The following DPF3 variants were observed in gnomAD, a reference collection of about 807,000 sequenced individuals.
The protein encoded by DPF3 is double PHD fingers 3.
A neutral mutation model predicts 56.8 loss-of-function variants in DPF3; 18 were observed. The ratio of observed to expected loss-of-function variants is 0.32; its 90% CI spans 0.22 to 0.47. DPF3 has a LOEUF of 0.47. Ranked by LOEUF, DPF3 falls within the 20% of genes least tolerant of loss-of-function variation. DPF3 has a pLI of 1.00. For synonymous variants in DPF3, 188 were observed against 180.2 expected (o/e 1.04, Z -0.35); for missense variants, 403 against 488.8 (o/e 0.82, Z 1.65).
chr14:72,849,332 C>T (rs902920876), intron 1 of DPF3, among the ~76,000 whole-genome samples: 1 of 152,214 alleles, frequency 6.6e-6, no homozygotes, highest in African/African-American at 2.4e-5. Context: ...CACCAGGAGA[C>T]ATGACGGCAG....
intron 8 of DPF3, among the ~76,000 whole-genome samples, chr14:72,630,997 AT>A (rs1361600448): frequency 2.6e-5 from 4 of 152,294 alleles, no homozygotes; most frequent in African/African-American, 9.6e-5. Context: ...AGGAGCCCCC[AT>A]TTCCTCCCTT....
At chr14:72,866,597 C>T (rs1424937188) in intron 1 of DPF3, among the ~76,000 whole-genome samples, 1 of 150,652 alleles carries the variant, frequency 6.6e-6, no homozygotes, top group Admixed American at 6.6e-5. Context: ...TGGCTCACGC[C>T]TATAATCCCA....
At chr14:72,849,972 AG>A (rs1220302654) in intron 1 of DPF3, among the ~76,000 whole-genome samples, 1 of 152,106 alleles carries the variant, frequency 6.6e-6, no homozygotes, top group Non-Finnish European at 1.5e-5. Flanking sequence ...ATACAAAATT[AG>A]CCAGGCATGG....
chr14:72,657,277 T>C lies in DPF3; in HGVS notation c.871+16963A>G, dbSNP rs888472062. ...TCTCCTATCATTTGTCTCATACAGA[T>C]GAAACTCTACCATCTATGTTCACTT... On this transcript the variant is annotated intron_variant, in intron 8 of 10. Coordinates refer to ENST00000556509, the MANE Select transcript of DPF3 (RefSeq NM_001280542.3). Among the ~76,000 whole-genome samples, 6 of 152,338 alleles carry C rather than the reference T, an allele frequency of 3.9e-5. No individual in the cohort carries two copies. The East Asian group carries it at 7.7e-4, about 20-fold the overall frequency.
intron 1 of DPF3, among the ~76,000 whole-genome samples, chr14:72,882,610 T>C (rs1244722615): frequency 6.6e-6 from 1 of 152,218 alleles, no homozygotes; most frequent in African/African-American, 2.4e-5. Context: ...CGCCTGTTAA[T>C]TTTTCTTGCT....
chr14:72,874,896 C>G (rs929557662), intron 1 of DPF3, among the ~76,000 whole-genome samples: 5 of 152,144 alleles, frequency 3.3e-5, no homozygotes, highest in African/African-American at 1.2e-4. Flanking sequence ...CTGTATTAGT[C>G]CATTTTCACA....
intron 6 of DPF3, among the ~76,000 whole-genome samples, chr14:72,700,501 A>G (rs1183985395): frequency 1.3e-5 from 2 of 152,182 alleles, no homozygotes; most frequent in African/African-American, 4.8e-5. Context: ...GCCAAGGTGA[A>G]CCCAGGTCCC....
At chr14:72,777,064 T>C (rs1159930958) in intron 1 of DPF3, among the ~76,000 whole-genome samples, 4 of 152,212 alleles carry the variant, frequency 2.6e-5, no homozygotes, top group Admixed American at 6.5e-5. Context: ...CTACTATCTG[T>C]GCACAGAAGC....
chr14:72,735,314 C>A (rs113432661), intron 3 of DPF3, among the ~76,000 whole-genome samples: 2 of 152,120 alleles, frequency 1.3e-5, no homozygotes, highest in African/African-American at 4.8e-5. Flanking sequence ...CACCATTCTG[C>A]GACAGTATCT....
At chr14:72,660,984 G>A (rs980466484) in intron 8 of DPF3, 15 of 866,000 alleles carry the variant, frequency 1.7e-5, no homozygotes, top group African/African-American at 1.1e-4. Context: ...GCATGACGGC[G>A]TGAAAGTGAA....
Position 72,723,734 on chromosome 14 carries a change from A to G in DPF3, c.430-6T>C, listed in dbSNP as rs1340567358. 1.3e-6 allele frequency: 2 copies of G among 1,564,392 alleles called. No individual in the cohort carries two copies. Among genetic ancestry groups the G allele is most frequent in the Non-Finnish European group, 1.7e-6 (2 of 1,163,818 alleles). The stretch of plus-strand genomic sequence containing the variant: ...TCATCATTTTCCAAAACCCTCTGAA[A>G]TGAAAAAAAAAAATAGAAAAGGTGA... On this transcript the variant is annotated splice_polypyrimidine_tract_variant and splice_region_variant and intron_variant, in intron 4 of 10. Coordinates refer to ENST00000556509, the MANE Select transcript of DPF3 (RefSeq NM_001280542.3).
intron 1 of DPF3, among the ~76,000 whole-genome samples, chr14:72,860,858 G>A (rs1199900916): frequency 6.6e-6 from 1 of 152,226 alleles, no homozygotes; most frequent in Non-Finnish European, 1.5e-5. Flanking sequence ...GAGCCACCAC[G>A]CCCGGCAGCT....
chr14:72,775,306 G>C (rs141259818), intron 1 of DPF3, among the ~76,000 whole-genome samples: 2 of 152,100 alleles, frequency 1.3e-5, no homozygotes, highest in African/African-American at 4.8e-5. Flanking sequence ...TAAATTTCTG[G>C]AAACCAATAC....
chr14:72,708,862 T>C (rs1888532918), intron 6 of DPF3, among the ~76,000 whole-genome samples: 1 of 152,194 alleles, frequency 6.6e-6, no homozygotes, highest in Non-Finnish European at 1.5e-5. Context: ...GCATCATTGT[T>C]AAGCTGCTGC....
At chr14:72,637,162 C>T (rs766613338) in intron 8 of DPF3, among the ~76,000 whole-genome samples, 4 of 152,198 alleles carry the variant, frequency 2.6e-5, no homozygotes, top group Non-Finnish European at 5.9e-5. Flanking sequence ...GGGCTCATGG[C>T]GCCATTCTCA....
intron 8 of DPF3, among the ~76,000 whole-genome samples, chr14:72,641,272 T>A (rs904332748): frequency 1.3e-5 from 2 of 152,210 alleles, no homozygotes; most frequent in African/African-American, 4.8e-5. Flanking sequence ...ATGCTTCTTC[T>A]GCCGCAGGCT....
At chr14:72,786,787 T>C (rs1567232467) in intron 1 of DPF3, among the ~76,000 whole-genome samples, 1 of 152,254 alleles carries the variant, frequency 6.6e-6, no homozygotes. Flanking sequence ...AAACAAGCAC[T>C]AGCTCACCCT....
At chr14:72,787,913 CTTCTT>C (rs747447497) in intron 1 of DPF3, among the ~76,000 whole-genome samples, 2 of 152,198 alleles carry the variant, frequency 1.3e-5, no homozygotes, top group South Asian at 4.1e-4. Flanking sequence ...GCCTTTGCCT[CTTCTT>C]TTATTTGTCA....
chr14:72,656,192 A>C (rs931222440), intron 8 of DPF3, among the ~76,000 whole-genome samples: 12 of 152,212 alleles, frequency 7.9e-5, no homozygotes, highest in African/African-American at 2.7e-4. Context: ...CATATTGTTA[A>C]TAAGCTTTTC....
Sources: allele counts gnomAD v4.1 joint callset (sites outside exome capture counted in the v4.1 genomes callset), GRCh38; gene constraint gnomAD v4.1.1; transcripts MANE v1.5; gene names NCBI Gene and HGNC (gene_info 2026-07-23, HGNC 2026-07-21).